The following NOS1AP variants were observed in gnomAD, a reference collection of about 807,000 sequenced individuals.
NOS1AP encodes carboxyl-terminal PDZ ligand of neuronal nitric oxide synthase protein.
In NOS1AP, 21 loss-of-function variants were observed where a neutral mutation model predicts 56.2. The ratio of observed to expected loss-of-function variants is 0.37; its 90% CI spans 0.26 to 0.54. NOS1AP has a LOEUF of 0.54. Ranked by LOEUF, NOS1AP falls within the 20% of genes least tolerant of loss-of-function variation. The pLI, the probability that NOS1AP is intolerant of heterozygous loss-of-function variation, is 0.84. For synonymous variants in NOS1AP, 270 were observed against 274.6 expected (o/e 0.98, Z 0.17); for missense variants, 522 against 657.8 (o/e 0.79, Z 2.26).
intron 2 of NOS1AP, among the ~76,000 whole-genome samples, chr1:162,218,648 A>G (rs1445930168): frequency 6.6e-6 from 1 of 152,096 alleles, no homozygotes; most frequent in South Asian, 2.1e-4. Flanking sequence ...TCGTGGAACT[A>G]TCCAAGACCA....
intron 4 of NOS1AP, among the ~76,000 whole-genome samples, chr1:162,310,422 G>A (rs1488349277): frequency 6.6e-6 from 1 of 152,226 alleles, no homozygotes; most frequent in Non-Finnish European, 1.5e-5. Flanking sequence ...CAGGGATGTG[G>A]AGGCAGCACA....
chr1:162,092,437 A>C (rs1326368957), intron 1 of NOS1AP, among the ~76,000 whole-genome samples: 1 of 152,228 alleles, frequency 6.6e-6, no homozygotes, highest in East Asian at 1.9e-4. Flanking sequence ...TCATGCCACC[A>C]AGTGGTAAAT....
At chr1:162,126,871 A>G (rs896622621) in intron 1 of NOS1AP, among the ~76,000 whole-genome samples, 7 of 152,208 alleles carry the variant, frequency 4.6e-5, no homozygotes, top group Admixed American at 3.3e-4. Flanking sequence ...GTATTGCCAA[A>G]CTTCTCTCCA....
intron 2 of NOS1AP, among the ~76,000 whole-genome samples, chr1:162,212,878 G>A (rs969086461): frequency 6.6e-6 from 1 of 151,916 alleles, no homozygotes; most frequent in Non-Finnish European, 1.5e-5. Flanking sequence ...GAGTGCCCCC[G>A]GCACACGGCG....
intron 2 of NOS1AP, among the ~76,000 whole-genome samples, chr1:162,191,350 T>C (rs1651638284): frequency 6.6e-6 from 1 of 152,198 alleles, no homozygotes. Flanking sequence ...TGCTTCTGAC[T>C]GTTCTTTCCT....
chr1:162,157,642 A>T (rs1255752386), intron 2 of NOS1AP, among the ~76,000 whole-genome samples: 1 of 152,224 alleles, frequency 6.6e-6, no homozygotes, highest in Non-Finnish European at 1.5e-5. Context: ...TATGATAAGG[A>T]TCACATGTGT....
intron 1 of NOS1AP, among the ~76,000 whole-genome samples, chr1:162,079,661 A>G (rs1691843807): frequency 6.6e-6 from 1 of 152,176 alleles, no homozygotes; most frequent in Non-Finnish European, 1.5e-5. Context: ...GTACCTGTAA[A>G]TGGCCTAGCA....
chr1:162,273,894 G>A (rs16859430), intron 2 of NOS1AP, among the ~76,000 whole-genome samples: 1,642 of 152,190 alleles, frequency 0.011, 28 homozygotes, highest in African/African-American at 0.038. Flanking sequence ...CACATGAACT[G>A]CTTATTTTCC....
In NOS1AP at chr1:162,227,177, C is replaced by G. The variant is rs137883792; in HGVS notation, c.178-60167C>G. 2.6e-4 allele frequency among the ~76,000 whole-genome samples: 39 copies of G among 152,276 alleles called. No individual in the cohort carries two copies. The East Asian group carries it at 6.8e-3, about 26-fold the overall frequency. On this transcript the variant is annotated intron_variant, in intron 2 of 9. Transcript: ENST00000361897. Reference sequence around the variant, plus strand: ...ATTAACATTCATAGAGTAGATTCTTCCAGTCTTTCCCCCGCTGTGCATTGA... The same window carrying G: ...ATTAACATTCATAGAGTAGATTCTTGCAGTCTTTCCCCCGCTGTGCATTGA...
At position 162,240,244 on chromosome 1, in the gene NOS1AP, AGTGTGTGTGT is replaced by A. The variant is rs5778260; in HGVS notation, c.178-47069_178-47060del. 6.3e-3 allele frequency among the ~76,000 whole-genome samples: 887 copies of A among 141,298 alleles called. 4 individuals carry two copies. Among genetic ancestry groups the A allele is most frequent in the Middle Eastern group, 0.037 (10 of 268 alleles). 92.7% of individuals were successfully genotyped at this position (141,298 alleles called of 152,430 possible). On this transcript the variant is annotated intron_variant, in intron 2 of 9. Transcript: ENST00000361897. ...CCCATTCCTGCTGCACTGTGTGGCCAGTGTGTGTGTGTGTGTGTGTGTGTGTGTGTGTGTG... is the reference window on the plus strand; with the variant it reads ...CCCATTCCTGCTGCACTGTGTGGCCAGTGTGTGTGTGTGTGTGTGTGTGTG...
At chr1:162,181,956 T>C (rs994327357) in intron 2 of NOS1AP, among the ~76,000 whole-genome samples, 2 of 152,162 alleles carry the variant, frequency 1.3e-5, no homozygotes, top group African/African-American at 2.4e-5. Context: ...CTGGATAGAG[T>C]TGAAAAAAGT....
intron 2 of NOS1AP, among the ~76,000 whole-genome samples, chr1:162,283,876 A>G (rs751581831): frequency 7.9e-5 from 12 of 152,184 alleles, no homozygotes; most frequent in Non-Finnish European, 1.2e-4. Context: ...AGGGAGGGCC[A>G]GGCCCGTTGG....
chr1:162,095,020 T>C (rs945003315), intron 1 of NOS1AP, among the ~76,000 whole-genome samples: 3 of 152,238 alleles, frequency 2.0e-5, no homozygotes, highest in African/African-American at 7.2e-5. Context: ...TTTTGTGTCA[T>C]GAATGTGAGT....
intron 1 of NOS1AP, among the ~76,000 whole-genome samples, chr1:162,137,254 A>G (rs1649043938): frequency 6.6e-6 from 1 of 152,196 alleles, no homozygotes; most frequent in Non-Finnish European, 1.5e-5. Context: ...TGTCAGTTTC[A>G]GCCTCTCAGC....
In NOS1AP at chr1:162,215,179, G is replaced by C. The variant is rs946332582; in HGVS notation, c.177+60703G>C. Among the ~76,000 whole-genome samples the C allele has an allele frequency of 2.0e-5, 3 of 152,350 alleles. No homozygotes were observed. In the South Asian group the frequency reaches 6.2e-4, roughly 32 times the overall value. On this transcript the variant is annotated intron_variant, in intron 2 of 9. Coordinates refer to ENST00000361897, the MANE Select transcript of NOS1AP (RefSeq NM_014697.3). ...AGATGCCTAGGATTCCCTGTCTCCT[G>C]TGTGTGGTGATGCCTGCCCTGAGCA...
At chr1:162,240,737 T>A (rs1653465122) in intron 2 of NOS1AP, among the ~76,000 whole-genome samples, 1 of 152,252 alleles carries the variant, frequency 6.6e-6, no homozygotes, top group African/African-American at 2.4e-5. Flanking sequence ...GGTCATTTCT[T>A]CATGGTCCAT....
intron 2 of NOS1AP, among the ~76,000 whole-genome samples, chr1:162,174,715 A>G (rs998645687): frequency 7.9e-5 from 12 of 152,222 alleles, no homozygotes; most frequent in Non-Finnish European, 2.9e-5. Context: ...TGTTAGAATT[A>G]ATGAACTGAT....
intron 6 of NOS1AP, among the ~76,000 whole-genome samples, chr1:162,345,619 A>G (rs1657266872): frequency 6.6e-6 from 1 of 152,198 alleles, no homozygotes; most frequent in Non-Finnish European, 1.5e-5. Flanking sequence ...AAAAAACAAC[A>G]AAAGAAATGC....
chr1:162,085,270 A>G (rs1192364310), intron 1 of NOS1AP, among the ~76,000 whole-genome samples: 3 of 151,950 alleles, frequency 2.0e-5, no homozygotes, highest in Admixed American at 6.6e-5. Flanking sequence ...TGTTTTATGT[A>G]TAATGTCTGG....
Sources: allele counts gnomAD v4.1 joint callset (sites outside exome capture counted in the v4.1 genomes callset), GRCh38; gene constraint gnomAD v4.1.1; transcripts MANE v1.5; gene names NCBI Gene and HGNC (gene_info 2026-07-23, HGNC 2026-07-21).